The following TMEM71 variants were observed in gnomAD, a reference collection of about 807,000 sequenced individuals.
TMEM71 encodes the protein transmembrane protein 71.
Under a neutral mutation model 38.0 loss-of-function variants are expected in TMEM71, and 44 were observed. The ratio of observed to expected loss-of-function variants is 1.16; its 90% CI spans 0.91 to 1.49. TMEM71 has a LOEUF of 1.49. TMEM71 is among the 40% of genes most tolerant of loss of function. The pLI is 0.00. For missense variants in TMEM71, 367 were observed against 348.6 expected, an observed-to-expected ratio of 1.05 and a Z score of -0.42; for synonymous variants, 133 against 122.5, an observed-to-expected ratio of 1.09 and a Z score of -0.56.
rs1322910907 is a variant in TMEM71 at position 132,710,387 on chromosome 8, G to C, written c.*580C>G. 1 of 153,876 alleles carries C rather than the reference G, an allele frequency of 6.5e-6. No individual in the cohort carries two copies. The highest frequency in any genetic ancestry group is 1.4e-5 in the Non-Finnish European group (1 of 69,342). 9.5% of individuals were successfully genotyped at this position (153,876 alleles called of 1,614,324 possible). On this transcript the variant is annotated 3_prime_UTR_variant, in exon 10 of 10. Transcript: ENST00000677595. The stretch of plus-strand genomic sequence containing the variant: ...AACTTTCAGAAAATGCTTCTTTCCT[G>C]TCCATTTTCATATTAACCATCATCT...
chr8:132,763,003 C>G (rs1304337177), upstream of TMEM71, among the ~76,000 whole-genome samples: 1 of 152,212 alleles, frequency 6.6e-6, no homozygotes. Flanking sequence ...TCAATCTTCT[C>G]TCTTGAGACC....
intron 3 of TMEM71, among the ~76,000 whole-genome samples, chr8:132,756,419 A>T (rs992572101): frequency 7.4e-6 from 1 of 135,422 alleles, no homozygotes; most frequent in Non-Finnish European, 1.6e-5. Context: ...TATTATATAT[A>T]TATATATATA....
chr8:132,706,987 C>T (rs1445645595), downstream of TMEM71, among the ~76,000 whole-genome samples: 1 of 152,172 alleles, frequency 6.6e-6, no homozygotes, highest in East Asian at 1.9e-4. Context: ...AATCAACTTT[C>T]AGTTGGCAAG....
chr8:132,721,465 A>G (rs929151701), intron 7 of TMEM71, among the ~76,000 whole-genome samples: 4 of 152,072 alleles, frequency 2.6e-5, no homozygotes, highest in Non-Finnish European at 5.9e-5. Flanking sequence ...TTGGAGAAAA[A>G]GCAATCCACT....
At chr8:132,769,762 A>C in the TMEM71 span, among the ~76,000 whole-genome samples, 1 of 152,190 alleles carries the variant, frequency 6.6e-6, no homozygotes, top group Non-Finnish European at 1.5e-5. Context: ...AGCCTCTAGA[A>C]CTGTTAGGAA....
downstream of TMEM71, chr8:132,709,905 T>G (rs7012402): frequency 6.6e-6 from 1 of 151,760 alleles, no homozygotes; most frequent in Non-Finnish European, 1.5e-5. Context: ...CTCAAAAAAA[T>G]ATATATATAC....
At chr8:132,763,666 T>C (rs955177977), upstream of TMEM71, among the ~76,000 whole-genome samples, 1 of 152,198 alleles carries the variant, frequency 6.6e-6, no homozygotes, top group Non-Finnish European at 1.5e-5. Context: ...GTCAAAATTA[T>C]TTGCCTTGAG....
chr8:132,746,567 G>A (rs1194799141), intron 5 of TMEM71, among the ~76,000 whole-genome samples: 1 of 150,438 alleles, frequency 6.6e-6, no homozygotes, highest in Non-Finnish European at 1.5e-5. Flanking sequence ...CTATCCAAGT[G>A]TACTCATACT....
At chr8:132,719,489 A>G (rs28595029) in intron 7 of TMEM71, among the ~76,000 whole-genome samples, 4,108 of 152,300 alleles carry the variant, frequency 0.027, 190 homozygotes, top group African/African-American at 0.094. Context: ...ATGTCTCATC[A>G]TGTATATGCA....
At chr8:132,724,681 T>C (rs966201150) in intron 6 of TMEM71, among the ~76,000 whole-genome samples, 3 of 152,190 alleles carry the variant, frequency 2.0e-5, no homozygotes, top group African/African-American at 4.8e-5. Context: ...CCTCAGCTTA[T>C]GAAGATGACA....
the TMEM71 span, among the ~76,000 whole-genome samples, chr8:132,768,852 T>G: frequency 6.6e-6 from 1 of 152,268 alleles, no homozygotes; most frequent in African/African-American, 2.4e-5. Flanking sequence ...TGTTATTGCT[T>G]TCTGGTCCTG....
chr8:132,758,872 C>T lies in TMEM71; in HGVS notation c.8G>A (p.Arg3Gln), dbSNP rs369527509. 6.7e-5 allele frequency: 108 copies of T among 1,613,548 alleles called. 1 individual carries two copies. Among genetic ancestry groups the T allele is most frequent in the Middle Eastern group, 3.3e-4 (2 of 6,082 alleles). ...TGGTGTTGACATCAGTTGAGATATT[C>T]GGTACATCTTGGGAAGGCCGCTTGC... MY[R>Q]ISQLMSTPVA... Residue 3 changes from arginine to glutamine, a missense_variant, in exon 2 of 10, where the codon CGA (arginine) becomes CAA (glutamine). Transcript: ENST00000677595.
chr8:132,764,145 A>G (rs1224142825), upstream of TMEM71, among the ~76,000 whole-genome samples: 2 of 152,168 alleles, frequency 1.3e-5, no homozygotes, highest in Non-Finnish European at 2.9e-5. Flanking sequence ...ATTCCTCTTC[A>G]TGTAGCTCTT....
the TMEM71 span, among the ~76,000 whole-genome samples, chr8:132,774,026 C>T: frequency 6.6e-6 from 1 of 152,226 alleles, no homozygotes; most frequent in Non-Finnish European, 1.5e-5. Flanking sequence ...TCATCTCAAG[C>T]AGTGCTTTAC....
At chr8:132,706,818 C>T (rs1237902697), downstream of TMEM71, among the ~76,000 whole-genome samples, 1 of 152,134 alleles carries the variant, frequency 6.6e-6, no homozygotes, top group African/African-American at 2.4e-5. Context: ...GGAATATCAT[C>T]CTTTTCAATC....
At chr8:132,758,816 G>T (rs763123047) in intron 2 of TMEM71, 24 bp downstream of exon 2, 2 of 1,605,394 alleles carry the variant, frequency 1.2e-6, no homozygotes, top group Admixed American at 1.7e-5. Flanking sequence ...AGATAATTGC[G>T]TATCACAGTT....
intron 7 of TMEM71, among the ~76,000 whole-genome samples, chr8:132,717,074 T>C (rs1462835557): frequency 6.6e-6 from 1 of 152,218 alleles, no homozygotes; most frequent in Non-Finnish European, 1.5e-5. Flanking sequence ...TTATGCCATA[T>C]ACAAAGGTTA....
At chr8:132,732,170 A>G (rs1336859814) in intron 5 of TMEM71, among the ~76,000 whole-genome samples, 2 of 152,218 alleles carry the variant, frequency 1.3e-5, no homozygotes, top group Non-Finnish European at 2.9e-5. Flanking sequence ...CAATGAGGTA[A>G]TTGCTACAAC....
At chr8:132,730,981 T>C (rs2131077977) in intron 5 of TMEM71, among the ~76,000 whole-genome samples, 1 of 152,260 alleles carries the variant, frequency 6.6e-6, no homozygotes, top group East Asian at 1.9e-4. Context: ...AAACAGACTA[T>C]CATTTGCTAA....
Sources: allele counts gnomAD v4.1 joint callset (sites outside exome capture counted in the v4.1 genomes callset), GRCh38; gene constraint gnomAD v4.1.1; transcripts MANE v1.5; gene names NCBI Gene and HGNC (gene_info 2026-07-23, HGNC 2026-07-21).